BRSK2: variants seen among roughly 807,000 people sequenced by gnomAD.
BRSK2 encodes serine/threonine-protein kinase BRSK2.
A neutral mutation model predicts 83.3 loss-of-function variants in BRSK2; 19 were observed. The ratio of observed to expected loss-of-function variants is 0.23; its 90% CI spans 0.16 to 0.33. The LOEUF is 0.33. BRSK2 is among the 10% of genes least tolerant of loss of function. The probability of loss-of-function intolerance (pLI) is 1.00; values close to 1 mark genes in which losing one functional copy is unlikely to be tolerated. For missense variants in BRSK2, 798 were observed against 1,042.3 expected (o/e 0.77, Z 3.23); for synonymous variants, 519 against 435.4 (o/e 1.19, Z -2.39).
In BRSK2 at chr11:1,456,703, C is replaced by G. The variant is rs1846592318; in HGVS notation, c.1939+16C>G. The G allele has an allele frequency of 6.3e-7, 1 of 1,577,184 alleles. No individual in the cohort carries two copies. The highest frequency in any genetic ancestry group is 8.6e-7 in the Non-Finnish European group (1 of 1,163,102). On this transcript the variant is annotated intron_variant, in intron 18 of 19. Transcript: ENST00000528841. Reference sequence around the variant, plus strand: ...CACTTGTCAGGTGAGGCGGGCTCAGCTCCGGCCAACCTGCGGCCTGCGAGT... The same window carrying G: ...CACTTGTCAGGTGAGGCGGGCTCAGGTCCGGCCAACCTGCGGCCTGCGAGT...
At position 1,454,723 on chromosome 11, in the gene BRSK2, G is replaced by A. The variant is rs1044697223; in HGVS notation, c.1668+115G>A. The A allele has an allele frequency of 4.9e-5, 66 of 1,351,008 alleles. No individual in the cohort carries two copies. The highest frequency in any genetic ancestry group is 8.7e-5 in the African/African-American group (6 of 69,362). The allele number at this position is 1,351,008 out of a possible 1,614,324, so 83.7% of individuals were successfully genotyped here. A position where few individuals can be genotyped will look rare whatever the true frequency, so the allele number is the denominator to read the frequency against. ...ACATGTCCACGCGCACAGCACGGAC[G>A]TCCGCTCACCCGTGGGCCTGCCTGG... On this transcript the variant is annotated intron_variant, in intron 16 of 19. Coordinates refer to ENST00000528841, the MANE Select transcript of BRSK2 (RefSeq NM_001256627.2). The surrounding 1 kb of genome is among the most constrained non-coding windows in gnomAD (Gnocchi z 5.2).
chr11:1,410,699 GC>G (rs2134110591), intron 1 of BRSK2: 2 of 985,398 alleles, frequency 2.0e-6, no homozygotes, highest in South Asian at 4.7e-5. Flanking sequence ...ACCCTCAGGA[GC>G]CCCCGCCTGC....
chr11:1,396,745 G>A lies in BRSK2; in HGVS notation c.91+6370G>A, dbSNP rs528149649. On this transcript the variant is annotated intron_variant, in intron 1 of 19. Transcript: ENST00000528841. ...AAGTCAGCAGCCCTGCTGGGCAGCC[G>A]GCACCAGGAGAGGAGGCGGGCTGGT... Among the ~76,000 whole-genome samples, 250 of 152,354 alleles carry A rather than the reference G, an allele frequency of 1.6e-3. 1 individual carries two copies. Among genetic ancestry groups the A allele is most frequent in the African/African-American group, 3.9e-3 (164 of 41,590 alleles).
At chr11:1,392,606 T>G (rs1043091161) in intron 1 of BRSK2, among the ~76,000 whole-genome samples, 2 of 152,198 alleles carry the variant, frequency 1.3e-5, no homozygotes, top group Non-Finnish European at 2.9e-5. Context: ...AGCTGGGGCC[T>G]GCTGGACGGT....
chr11:1,404,427 TTGGCC>T (rs1846694596), intron 1 of BRSK2, among the ~76,000 whole-genome samples: 1 of 152,176 alleles, frequency 6.6e-6, no homozygotes, highest in Admixed American at 6.5e-5. Context: ...AGACGTCCCT[TTGGCC>T]GAGAGTTGCA....
At chr11:1,401,517 G>A (rs970518632) in intron 1 of BRSK2, among the ~76,000 whole-genome samples, 34 of 152,342 alleles carry the variant, frequency 2.2e-4, no homozygotes, top group African/African-American at 7.9e-4. Flanking sequence ...CCTGGAGCCA[G>A]GGAACATCAC....
chr11:1,446,044 T>G, intron 12 of BRSK2, 137 bp downstream of exon 12: 1 of 936,310 alleles, frequency 1.1e-6, no homozygotes, highest in South Asian at 1.7e-5. Context: ...TAAACTGGGC[T>G]TAGCTGGGCT....
chr11:1,426,854 G>A (rs1161081085), intron 1 of BRSK2, among the ~76,000 whole-genome samples: 2 of 152,088 alleles, frequency 1.3e-5, no homozygotes, highest in African/African-American at 4.8e-5. Context: ...CCCTGTAGTG[G>A]CCAGCAGCAG....
chr11:1,451,323 G>T, intron 14 of BRSK2, 48 bp from the exon 15 acceptor site: 7 of 1,609,910 alleles, frequency 4.3e-6, no homozygotes, highest in Non-Finnish European at 5.1e-6. Flanking sequence ...GCAGGGGAAG[G>T]ATGGAGCGGT....
At chr11:1,398,847 C>T (rs974561045) in intron 1 of BRSK2, among the ~76,000 whole-genome samples, 17 of 152,136 alleles carry the variant, frequency 1.1e-4, no homozygotes, top group African/African-American at 2.9e-4. Flanking sequence ...CCTTGGTAGG[C>T]GCCAGGAGAT....
intron 8 of BRSK2, 31 bp from the exon 9 acceptor site, chr11:1,444,940 G>T (rs752147786): frequency 8.7e-6 from 14 of 1,606,400 alleles, no homozygotes; most frequent in Non-Finnish European, 1.2e-5. Flanking sequence ...TCCCTCGTCC[G>T]TACTAACTCC....
intron 1 of BRSK2, among the ~76,000 whole-genome samples, chr11:1,424,358 C>CA (rs1326920454): frequency 1.3e-5 from 2 of 152,180 alleles, no homozygotes; most frequent in Admixed American, 1.3e-4. Context: ...AGTGTGGGGG[C>CA]AAAAGGAAGA....
chr11:1,461,190 C>T lies in BRSK2; in HGVS notation c.*467C>T, dbSNP rs1847459346. The T allele has an allele frequency of 2.6e-6, 2 of 761,886 alleles. No individual in the cohort carries two copies. The highest frequency in any genetic ancestry group is 3.6e-4 in the Middle Eastern group (1 of 2,800). 47.2% of individuals were successfully genotyped at this position (761,886 alleles called of 1,614,324 possible). Reference sequence around the variant, plus strand: ...GGAGCCTCCTCCAGCCCGGCCGACCCGGACTCCCGGTCACCTGACCCCTCA... The same window carrying T: ...GGAGCCTCCTCCAGCCCGGCCGACCTGGACTCCCGGTCACCTGACCCCTCA... On this transcript the variant is annotated 3_prime_UTR_variant, in exon 20 of 20. Transcript: ENST00000528841.
intron 1 of BRSK2, among the ~76,000 whole-genome samples, chr11:1,395,606 C>T (rs992922410): frequency 6.6e-6 from 1 of 152,220 alleles, no homozygotes; most frequent in East Asian, 1.9e-4. Flanking sequence ...TGTCCCCACC[C>T]ACTGTGGCCC....
At chr11:1,434,240 C>T (rs573202409) in intron 1 of BRSK2, among the ~76,000 whole-genome samples, 17 of 152,310 alleles carry the variant, frequency 1.1e-4, no homozygotes, top group East Asian at 3.9e-4. Flanking sequence ...GAGCACAGCG[C>T]GTGCACGGAA....
At chr11:1,452,024 A>G (rs1360764338) in intron 15 of BRSK2, among the ~76,000 whole-genome samples, 1 of 152,146 alleles carries the variant, frequency 6.6e-6, no homozygotes, top group African/African-American at 2.4e-5. Flanking sequence ...GTCACTGGGC[A>G]GTGTCTCGGA....
At chr11:1,456,208 T>C in intron 16 of BRSK2, 140 bp from the exon 17 acceptor site, 2 of 897,122 alleles carry the variant, frequency 2.2e-6, no homozygotes, top group Non-Finnish European at 1.6e-6. Flanking sequence ...CCAACCGCAC[T>C]GTGCCCCTCA....
intron 18 of BRSK2, 129 bp from the exon 19 acceptor site, chr11:1,459,063 C>T: frequency 2.4e-6 from 2 of 845,892 alleles, no homozygotes; most frequent in Non-Finnish European, 3.9e-6. Flanking sequence ...GTATTCCCCA[C>T]CCATGCCTCT....
At chr11:1,456,802 G>C in intron 18 of BRSK2, 115 bp downstream of exon 18, 8 of 1,321,342 alleles carry the variant, frequency 6.1e-6, no homozygotes, top group Non-Finnish European at 8.3e-6. Context: ...CCCTCTTGAC[G>C]GACGCCCCCA....
Sources: gnomAD v4.1 joint callset for allele counts (sites outside exome capture counted in the v4.1 genomes callset) on GRCh38, gnomAD v4.1.1 for gene constraint, Gnocchi (gnomAD v3.1) non-coding constraint, MANE v1.5 for transcripts, NCBI Gene and HGNC (gene_info 2026-07-23, HGNC 2026-07-21) for gene names.